The following WWOX variants were observed in gnomAD, a reference collection of about 807,000 sequenced individuals.
WWOX encodes WW domain containing oxidoreductase.
A neutral mutation model predicts 46.2 loss-of-function variants in WWOX; 69 were observed. The observed-to-expected ratio is 1.49, with a 90% CI of 1.23 to 1.82. The LOEUF is 1.82. Among genes scored for constraint, WWOX ranks in the 40% most tolerant of loss-of-function variants. WWOX has a pLI of 0.00. For missense variants in WWOX, 919 were observed against 542.6 expected (o/e 1.69, Z -6.89); for synonymous variants, 359 against 202.6 (o/e 1.77, Z -6.56).
intron 8 of WWOX, among the ~76,000 whole-genome samples, chr16:78,625,013 C>G (rs559647975): frequency 1.2e-4 from 18 of 152,292 alleles, no homozygotes; most frequent in African/African-American, 4.1e-4. Flanking sequence ...GCCTCCATCA[C>G]TGGAACAAGA....
intron 8 of WWOX, among the ~76,000 whole-genome samples, chr16:78,590,146 GTCTC>G (rs58692243): frequency 1.3e-4 from 20 of 149,728 alleles, no homozygotes; most frequent in African/African-American, 4.9e-4. Context: ...TAGGCATTCA[GTCTC>G]TCTCTCTCTC....
chr16:78,386,991 A>T (rs369158209), intron 6 of WWOX, 43 bp downstream of exon 6: 5 of 1,571,858 alleles, frequency 3.2e-6, no homozygotes, highest in Non-Finnish European at 4.4e-6. Flanking sequence ...ATTTCTTGCT[A>T]TTGTAATATC....
intron 8 of WWOX, among the ~76,000 whole-genome samples, chr16:79,034,949 A>G (rs1283106060): frequency 1.3e-5 from 2 of 152,208 alleles, no homozygotes; most frequent in Non-Finnish European, 2.9e-5. Context: ...TTATTGAAAG[A>G]CAGTAAAGGC....
chr16:78,365,397 A>G (rs1029510505), intron 5 of WWOX, among the ~76,000 whole-genome samples: 2 of 152,202 alleles, frequency 1.3e-5, no homozygotes, highest in Non-Finnish European at 2.9e-5. Flanking sequence ...ACATCCGTCT[A>G]AATCAGGTGC....
chr16:78,758,353 C>A (rs1025569492), intron 8 of WWOX, among the ~76,000 whole-genome samples: 3 of 152,128 alleles, frequency 2.0e-5, no homozygotes, highest in Non-Finnish European at 2.9e-5. Flanking sequence ...AAAGCAAGAT[C>A]TTTTGCAAGT....
intron 8 of WWOX, among the ~76,000 whole-genome samples, chr16:79,024,917 A>C (rs1473531280): frequency 6.6e-6 from 1 of 152,214 alleles, no homozygotes; most frequent in African/African-American, 2.4e-5. Flanking sequence ...CTGGTGAAGA[A>C]ACACGTGAGT....
chr16:79,075,440 A>G (rs535578484), intron 8 of WWOX, among the ~76,000 whole-genome samples: 139 of 152,290 alleles, frequency 9.1e-4, no homozygotes, highest in African/African-American at 3.0e-3. Context: ...GTTTTTATTT[A>G]CAATATAGTT....
chr16:79,139,743 A>C (rs1233338889), intron 8 of WWOX, among the ~76,000 whole-genome samples: 2 of 152,190 alleles, frequency 1.3e-5, no homozygotes, highest in Non-Finnish European at 2.9e-5. Context: ...ATTTATATGC[A>C]TCATGGGCAG....
chr16:78,996,638 G>C (rs1216060330), intron 8 of WWOX, among the ~76,000 whole-genome samples: 2 of 152,058 alleles, frequency 1.3e-5, no homozygotes, highest in African/African-American at 2.4e-5. Context: ...TCCATTCAGG[G>C]AGACTCTAGT....
chr16:78,478,547 C>T (rs59824084), intron 8 of WWOX, among the ~76,000 whole-genome samples: 3 of 151,922 alleles, frequency 2.0e-5, no homozygotes, highest in African/African-American at 7.3e-5. Context: ...ACTCTCCTCT[C>T]TCGAAGCTCC....
chr16:78,650,159 T>C (rs1311504635), intron 8 of WWOX, among the ~76,000 whole-genome samples: 2 of 152,078 alleles, frequency 1.3e-5, no homozygotes, highest in African/African-American at 4.8e-5. Flanking sequence ...TTAAGGAAAA[T>C]AAAAAAGAGT....
chr16:78,998,744 G>A (rs1423004036), intron 8 of WWOX, among the ~76,000 whole-genome samples: 1 of 152,200 alleles, frequency 6.6e-6, no homozygotes, highest in Non-Finnish European at 1.5e-5. Flanking sequence ...ATTGAAAGGT[G>A]GAAACAAGCG....
chr16:79,062,801 A>G (rs2048378459), intron 8 of WWOX, among the ~76,000 whole-genome samples: 2 of 152,140 alleles, frequency 1.3e-5, no homozygotes, highest in African/African-American at 4.8e-5. Flanking sequence ...GGGTTCTAAC[A>G]GCCCCTTGAA....
At chr16:78,417,040 G>GTGTGTGTGTGTGT (rs1555535317) in intron 6 of WWOX, among the ~76,000 whole-genome samples, 58 of 151,382 alleles carry the variant, frequency 3.8e-4, no homozygotes, top group East Asian at 1.2e-3. Context: ...ACCCTTTGGG[G>GTGTGTGTGTGTGT]GTGTGTGTGT....
intron 8 of WWOX, among the ~76,000 whole-genome samples, chr16:79,173,198 C>T (rs932777959): frequency 2.6e-5 from 4 of 152,164 alleles, no homozygotes; most frequent in African/African-American, 9.7e-5. Context: ...CAGAGTGAAC[C>T]CTTTCGGTTC....
intron 8 of WWOX, among the ~76,000 whole-genome samples, chr16:79,089,414 C>G (rs555079731): frequency 5.3e-5 from 8 of 151,402 alleles, no homozygotes; most frequent in African/African-American, 1.9e-4. Flanking sequence ...TCACTGCAAC[C>G]TCCTCCTCCT....
rs2080070336 is a variant in WWOX, at chr16:78,303,099, A to G, written c.517-83761A>G. On this transcript the variant is annotated intron_variant, in intron 5 of 8. Coordinates refer to ENST00000566780, the MANE Select transcript of WWOX (RefSeq NM_016373.4). ...GAGTCCAGCAGCTTCTAGGATGCTT[A>G]GAATCAGAATTGTTGCTCACTTTTT... 2.6e-5 allele frequency among the ~76,000 whole-genome samples: 4 copies of G among 152,228 alleles called. No individual in the cohort carries two copies. The South Asian group carries it at 8.3e-4, about 32-fold the overall frequency.
intron 8 of WWOX, among the ~76,000 whole-genome samples, chr16:78,527,727 A>AGGCTCTTATTTAGTTCAGT (rs71140807): frequency 0.52 from 79,362 of 151,644 alleles, 23,951 homozygotes; most frequent in Admixed American, 0.66. Context: ...CCTCATGAAC[A>AGGCTCTTATTTAGTTCAGT]GGTTCTTGAT....
intron 5 of WWOX, among the ~76,000 whole-genome samples, chr16:78,227,669 G>C (rs1158899010): frequency 2.0e-5 from 3 of 152,098 alleles, no homozygotes; most frequent in Non-Finnish European, 4.4e-5. Flanking sequence ...TTGAGGCCTG[G>C]AGTTTGAGAC....
Sources: allele counts gnomAD v4.1 joint callset (sites outside exome capture counted in the v4.1 genomes callset), GRCh38; gene constraint gnomAD v4.1.1; transcripts MANE v1.5; gene names NCBI Gene and HGNC (gene_info 2026-07-23, HGNC 2026-07-21).